The following FAM174B variants were observed in gnomAD, a reference collection of about 807,000 sequenced individuals.
The protein encoded by FAM174B is family with sequence similarity 174 member B.
A neutral mutation model predicts 10.9 loss-of-function variants in FAM174B; 12 were observed. The ratio of observed to expected loss-of-function variants is 1.10; its 90% CI spans 0.71 to 1.79. FAM174B has a LOEUF of 1.79. Ranked by LOEUF, FAM174B falls within the 40% of genes most tolerant of loss-of-function variation. The pLI, the probability that FAM174B is intolerant of heterozygous loss-of-function variation, is 0.00. For synonymous variants in FAM174B, 132 were observed against 115.8 expected (o/e 1.14, Z -0.90); for missense variants, 266 against 233.3 (o/e 1.14, Z -0.91).
In FAM174B at chr15:92,623,727, C is replaced by T. The variant is rs553319105; in HGVS notation, c.477-4268G>A. Among the ~76,000 whole-genome samples, 13 of 152,280 alleles carry T rather than the reference C, an allele frequency of 8.5e-5. No homozygotes were observed. The East Asian group carries it at 9.6e-4, about 11-fold the overall frequency. The stretch of plus-strand genomic sequence containing the variant: ...AGGACGCAGTGGCCTTATGAGTGAA[C>T]GACGGAGAAGCCGGAGGGAGGAGGC... On this transcript the variant is annotated intron_variant, in intron 2 of 2. Transcript: ENST00000327355.
In FAM174B at chr15:92,619,411, G is replaced by A; in HGVS notation, c.*45C>T. ...CCAGTCCTTCACACCCCAGGTTGCA[G>A]CTGACCAACTTTCCACAGGATGCCA... On this transcript the variant is annotated 3_prime_UTR_variant, in exon 3 of 3. Coordinates refer to ENST00000327355, the MANE Select transcript of FAM174B (RefSeq NM_207446.3). 1 of 1,613,614 alleles carries A rather than the reference G, an allele frequency of 6.2e-7. No homozygotes were observed. Among genetic ancestry groups the A allele is most frequent in the Non-Finnish European group, 8.5e-7 (1 of 1,179,572 alleles).
At chr15:92,643,438 G>C (rs2050905322) in intron 1 of FAM174B, among the ~76,000 whole-genome samples, 1 of 150,844 alleles carries the variant, frequency 6.6e-6, no homozygotes, top group African/African-American at 2.4e-5. Flanking sequence ...GGAAAGATTT[G>C]ACAAGAAATT....
chr15:92,630,552 T>C (rs1223948668), intron 1 of FAM174B, among the ~76,000 whole-genome samples: 1 of 151,830 alleles, frequency 6.6e-6, no homozygotes, highest in Non-Finnish European at 1.5e-5. Flanking sequence ...GAGATTCGGT[T>C]AACACCCTGC....
chr15:92,631,460 AT>A (rs1222386734), intron 1 of FAM174B, among the ~76,000 whole-genome samples: 15 of 59,558 alleles, frequency 2.5e-4, no homozygotes, highest in South Asian at 5.2e-4. Flanking sequence ...CATAATATAT[AT>A]TATATATAAT....
intron 1 of FAM174B, among the ~76,000 whole-genome samples, chr15:92,636,738 C>G (rs983620627): frequency 6.6e-6 from 1 of 152,190 alleles, no homozygotes; most frequent in Non-Finnish European, 1.5e-5. Context: ...GCTGAGACCT[C>G]CCCAACAGGT....
Position 92,655,536 on chromosome 15 carries a change from C to T in FAM174B, c.124G>A (p.Glu42Lys). Residue 42 changes from glutamate (E) to lysine (K), a missense_variant, in exon 1 of 3, where the codon GAG becomes AAG. Transcript: ENST00000327355. ...VSAPWPEPER[E>K]SRPPPGPGPG... ...CCCGGGCCGGGCGGTGGCCGCGACT[C>T]GCGCTCGGGTTCGGGCCACGGCGCG... 1.4e-6 allele frequency: 2 copies of T among 1,478,376 alleles called. No individual in the cohort carries two copies. Among genetic ancestry groups the T allele is most frequent in the Non-Finnish European group, 1.8e-6 (2 of 1,114,620 alleles). The allele number at this position is 1,478,376 out of a possible 1,614,324, so 91.6% of individuals were successfully genotyped here. A position where few individuals can be genotyped will look rare whatever the true frequency, so the allele number is the denominator to read the frequency against.
intron 1 of FAM174B, among the ~76,000 whole-genome samples, chr15:92,634,898 A>G (rs542628651): frequency 2.2e-4 from 34 of 152,140 alleles, no homozygotes; most frequent in Non-Finnish European, 4.6e-4. Context: ...CCTCCTGTCT[A>G]ACTGCCTTCC....
rs776019584 is a variant in FAM174B, at chr15:92,655,283, C to CGGCGGGGGAAGGAAGAG, written c.344+16_344+32dup. ...AGGTTGGCGATGCCGCCCTGTCGGCCGGCGGGGGAAGGAAGAGGGCGGGAG... is the reference window on the plus strand; with the variant it reads ...AGGTTGGCGATGCCGCCCTGTCGGCCGGCGGGGGAAGGAAGAGGGCGGGGGAAGGAAGAGGGCGGGAG... On this transcript the variant is annotated intron_variant, in intron 1 of 2. Transcript: ENST00000327355. The CGGCGGGGGAAGGAAGAG allele has an allele frequency of 1.3e-4, 188 of 1,499,808 alleles. No homozygotes were observed. In the African/African-American group the frequency reaches 2.1e-3, roughly 17 times the overall value. 92.9% of individuals were successfully genotyped at this position (1,499,808 alleles called of 1,614,324 possible). A position where few individuals can be genotyped will look rare whatever the true frequency, so the allele number is the denominator to read the frequency against.
In FAM174B at chr15:92,617,691, G is replaced by A. The variant is rs1336918528; in HGVS notation, c.*1765C>T. 1.3e-5 allele frequency: 9 copies of A among 681,134 alleles called. No homozygotes were observed. Among genetic ancestry groups the A allele is most frequent in the South Asian group, 7.7e-5 (5 of 64,864 alleles). The allele number at this position is 681,134 out of a possible 1,614,324, so 42.2% of individuals were successfully genotyped here. On this transcript the variant is annotated 3_prime_UTR_variant, in exon 3 of 3. Coordinates refer to ENST00000327355, the MANE Select transcript of FAM174B (RefSeq NM_207446.3). ...AAAGGTTGAGGGGGCGAACAGCTGC[G>A]AGGTGGCCAGGCTCCCGTGAGTCAC...
intron 1 of FAM174B, among the ~76,000 whole-genome samples, chr15:92,654,876 G>A (rs1015144669): frequency 2.0e-5 from 3 of 151,978 alleles, no homozygotes; most frequent in African/African-American, 7.3e-5. Flanking sequence ...AGGGAGTAGC[G>A]AGATTAAAGT....
chr15:92,635,771 G>A (rs890190644), intron 1 of FAM174B, among the ~76,000 whole-genome samples: 2 of 151,814 alleles, frequency 1.3e-5, no homozygotes, highest in Admixed American at 1.3e-4. Flanking sequence ...AGTAGAGATG[G>A]GTTTTCGCTA....
chr15:92,644,892 AAAG>A (rs1176484464), intron 1 of FAM174B, among the ~76,000 whole-genome samples: 16 of 152,320 alleles, frequency 1.1e-4, no homozygotes, highest in African/African-American at 3.6e-4. Context: ...CCACCTGTCA[AAAG>A]AAGGAGGAAA....
At chr15:92,621,138 C>G (rs2050716750) in intron 2 of FAM174B, among the ~76,000 whole-genome samples, 1 of 152,190 alleles carries the variant, frequency 6.6e-6, no homozygotes, top group East Asian at 1.9e-4. Flanking sequence ...AACTTACCCT[C>G]TAATGGTTTA....
At chr15:92,645,642 G>C (rs998002241) in intron 1 of FAM174B, 3 of 152,322 alleles carry the variant, frequency 2.0e-5, no homozygotes, top group Non-Finnish European at 4.4e-5. Flanking sequence ...GGCCAGGGAA[G>C]GGAAGTGAGG....
intron 1 of FAM174B, among the ~76,000 whole-genome samples, chr15:92,645,291 G>A (rs1049706060): frequency 7.9e-5 from 12 of 152,350 alleles, no homozygotes; most frequent in Admixed American, 2.6e-4. Flanking sequence ...TGTTAGCACT[G>A]TTGGTTGACC....
intron 2 of FAM174B, among the ~76,000 whole-genome samples, chr15:92,624,635 A>G (rs770366931): frequency 6.6e-6 from 1 of 152,248 alleles, no homozygotes; most frequent in Non-Finnish European, 1.5e-5. Flanking sequence ...TACAGTGGAA[A>G]TCTCGTGGGT....
intron 1 of FAM174B, among the ~76,000 whole-genome samples, chr15:92,638,167 A>G (rs1239508696): frequency 1.3e-5 from 2 of 152,242 alleles, no homozygotes; most frequent in Non-Finnish European, 2.9e-5. Flanking sequence ...GTTGAGATGT[A>G]AAGTGGTCCT....
intron 1 of FAM174B, among the ~76,000 whole-genome samples, chr15:92,653,546 C>T (rs1197486361): frequency 6.6e-6 from 1 of 152,224 alleles, no homozygotes; most frequent in Non-Finnish European, 1.5e-5. Flanking sequence ...AGGCCCGCAT[C>T]GGGCATGGAG....
rs560329010 is a variant in FAM174B, at chr15:92,625,649, T to C, written c.476+4565A>G. Reference sequence around the variant, plus strand: ...GAAAAACGTGCCAAAACAGCATGTATAATACAGTCTTATTTCTATAAAAAA... The same window carrying C: ...GAAAAACGTGCCAAAACAGCATGTACAATACAGTCTTATTTCTATAAAAAA... On this transcript the variant is annotated intron_variant, in intron 2 of 2. Transcript: ENST00000327355. 2.6e-5 allele frequency among the ~76,000 whole-genome samples: 4 copies of C among 152,352 alleles called. No individual in the cohort carries two copies. In the South Asian group the frequency reaches 8.3e-4, roughly 32 times the overall value.
Sources: allele counts gnomAD v4.1 joint callset (sites outside exome capture counted in the v4.1 genomes callset), GRCh38; gene constraint gnomAD v4.1.1; transcripts MANE v1.5; gene names NCBI Gene and HGNC (gene_info 2026-07-23, HGNC 2026-07-21).